The following LRRK2 variants were observed in gnomAD, a reference collection of about 807,000 sequenced individuals.
LRRK2 encodes the protein leucine-rich repeat serine/threonine-protein kinase 2.
In LRRK2, 203 loss-of-function variants were observed where a neutral mutation model predicts 302.6. The observed-to-expected ratio is 0.67, with a 90% CI of 0.60 to 0.75. LRRK2 has a LOEUF of 0.75. Among genes scored for constraint, LRRK2 ranks in the 30% least tolerant of loss-of-function variants. LRRK2 has a pLI of 0.00. For missense variants in LRRK2, 2,830 were observed against 2,951.0 expected (o/e 0.96, Z 0.95); for synonymous variants, 1,066 against 1,031.9 (o/e 1.03, Z -0.63).
chr12:40,249,527 G>A (rs759969145), intron 7 of LRRK2, among the ~76,000 whole-genome samples: 63 of 152,126 alleles, frequency 4.1e-4, no homozygotes, highest in Non-Finnish European at 6.2e-4. Context: ...TTGTCGTGCC[G>A]TGTGTCACAG....
intron 2 of LRRK2, among the ~76,000 whole-genome samples, chr12:40,228,612 A>G (rs1025648757): frequency 6.6e-6 from 1 of 151,454 alleles, no homozygotes; most frequent in African/African-American, 2.4e-5. Context: ...ATATAATCCC[A>G]TTTGCCTATT....
chr12:40,251,341 A>C lies in LRRK2; in HGVS notation c.1068A>C (p.Ala356=). Residue 356 remains alanine (A), a synonymous_variant, in exon 9 of 51, where the codon GCA becomes GCC. Transcript: ENST00000298910. ...KLFWLEACYK[A]LTWHRKNKHV... ...TTTGGCTGGAAGCCTGTTACAAAGC[A>C]TTAACGTGGCATAGAAAGAACAAGC... 2 of 1,614,070 alleles carry C rather than the reference A, an allele frequency of 1.2e-6. No homozygotes were observed. The highest frequency in any genetic ancestry group is 1.7e-6 in the Non-Finnish European group (2 of 1,179,944).
intron 41 of LRRK2, among the ~76,000 whole-genome samples, chr12:40,342,151 C>A (rs574789922): frequency 2.2e-4 from 33 of 152,290 alleles, no homozygotes; most frequent in African/African-American, 7.9e-4. Flanking sequence ...GTGGATCTCT[C>A]GGGTCCCTGT....
chr12:40,287,550 T>TAAA lies in LRRK2; in HGVS notation c.2689+18_2689+20dup. 6.2e-7 allele frequency: 1 copy of TAAA among 1,603,014 alleles called. No individual in the cohort carries two copies. The highest frequency in any genetic ancestry group is 1.3e-5 in the African/African-American group (1 of 74,296). ...ACCTGGATAGTGAAGGTATTTATTA[T>TAAA]AAAAAAAAACCCTTTATGCTTTATA... is the stretch of plus-strand genomic sequence containing the variant. On this transcript the variant is annotated intron_variant, in intron 20 of 50. Coordinates refer to ENST00000298910, the MANE Select transcript of LRRK2 (RefSeq NM_198578.4).
At chr12:40,365,778 C>G (rs1477774153) in intron 49 of LRRK2, 2 of 151,964 alleles carry the variant, frequency 1.3e-5, no homozygotes, top group African/African-American at 2.4e-5. Flanking sequence ...ATATTCATTG[C>G]AAGTATATGT....
At chr12:40,354,687 TATAAA>T (rs1946470396) in intron 45 of LRRK2, among the ~76,000 whole-genome samples, 195 bp downstream of exon 45, 1 of 152,222 alleles carries the variant, frequency 6.6e-6, no homozygotes, top group Non-Finnish European at 1.5e-5. Context: ...CTGAGACATT[TATAAA>T]ATAAGTCAAC....
chr12:40,327,625 G>A (rs1167205946), intron 38 of LRRK2, among the ~76,000 whole-genome samples: 5 of 152,120 alleles, frequency 3.3e-5, no homozygotes, highest in African/African-American at 1.2e-4. Flanking sequence ...ATTTGTTTCT[G>A]AACAGGAGAG....
intron 30 of LRRK2, 137 bp downstream of exon 30, chr12:40,309,370 A>C (rs1944958190): frequency 3.4e-6 from 4 of 1,164,504 alleles, no homozygotes; most frequent in Admixed American, 3.0e-5. Context: ...AGAAGCACTA[A>C]AATTTTGAAT....
rs1297120608 is a variant in LRRK2, at chr12:40,283,896, C to A, written c.2263C>A (p.Pro755Thr). The A allele has an allele frequency of 1.9e-6, 3 of 1,612,938 alleles. No homozygotes were observed. Among genetic ancestry groups the A allele is most frequent in the Non-Finnish European group, 1.7e-6 (2 of 1,179,282 alleles). The change falls in exon 19 of 51, where the codon CCC (proline) becomes ACC (threonine). Residue 755 changes from proline to threonine, a missense_variant. Physicochemically the swap from Pro to Thr is conservative, Grantham distance 38. Coordinates refer to ENST00000298910, the MANE Select transcript of LRRK2 (RefSeq NM_198578.4). ...ICQVCEKESS[P>T]KLVELLLNSG... Reference sequence around the variant, plus strand: ...ATAGGTATGTGAGAAAGAGAGCAGTCCCAAATTGGTGGAACTCTTACTGAA... The same window carrying A: ...ATAGGTATGTGAGAAAGAGAGCAGTACCAAATTGGTGGAACTCTTACTGAA...
At chr12:40,276,800 G>A (rs546272987) in intron 16 of LRRK2, among the ~76,000 whole-genome samples, 137 of 152,012 alleles carry the variant, frequency 9.0e-4, no homozygotes, top group African/African-American at 2.9e-3. Context: ...ATAAGAGTTC[G>A]AAGTAATAAT....
chr12:40,354,926 T>A (rs1282212114), intron 45 of LRRK2, among the ~76,000 whole-genome samples: 2 of 151,952 alleles, frequency 1.3e-5, no homozygotes, highest in East Asian at 1.9e-4. Context: ...AAGAAAAAAA[T>A]TAAATAAATG....
chr12:40,251,274 A>C lies in LRRK2; in HGVS notation c.1001A>C (p.Glu334Ala). ...AATCAAGATTTAGAGGAAAAGAATGAGAATCAAGAGAATGATGATGAGGGG... is the reference window on the plus strand; with the variant it reads ...AATCAAGATTTAGAGGAAAAGAATGCGAATCAAGAGAATGATGATGAGGGG... ...FLNQDLEEKN[E>A]NQENDDEGEE... The change falls in exon 9 of 51, where the codon GAG becomes GCG. Residue 334 changes from glutamate to alanine, a missense_variant. By Grantham distance (107) the Glu-to-Ala change is moderately radical. Coordinates refer to ENST00000298910, the MANE Select transcript of LRRK2 (RefSeq NM_198578.4). 1 of 1,610,116 alleles carries C rather than the reference A, an allele frequency of 6.2e-7. No individual in the cohort carries two copies. Among genetic ancestry groups the C allele is most frequent in the Admixed American group, 1.7e-5 (1 of 59,848 alleles).
chr12:40,342,811 G>T (rs1235175265), intron 41 of LRRK2, among the ~76,000 whole-genome samples: 1 of 152,116 alleles, frequency 6.6e-6, no homozygotes, highest in Non-Finnish European at 1.5e-5. Flanking sequence ...TAAACCTTTT[G>T]GGTGTATTTT....
chr12:40,248,170 A>G (rs1379697666), intron 7 of LRRK2, among the ~76,000 whole-genome samples: 1 of 152,160 alleles, frequency 6.6e-6, no homozygotes, highest in African/African-American at 2.4e-5. Flanking sequence ...ACTACTGTAC[A>G]ATTCTCTGTT....
rs1036234153 is a variant in LRRK2 at position 40,224,999 on chromosome 12, G to A, written c.-133G>A. 5.8e-6 allele frequency: 7 copies of A among 1,202,454 alleles called. No homozygotes were observed. The highest frequency in any genetic ancestry group is 2.7e-4 in the Middle Eastern group (1 of 3,652). The allele number at this position is 1,202,454 out of a possible 1,614,324, so 74.5% of individuals were successfully genotyped here. ...AACAGGCGGGCGTGGGCGCCGATGG[G>A]GCCCGCGGGGAGCGCTGGCTGCGGG... On this transcript the variant is annotated 5_prime_UTR_variant, in exon 1 of 51. Transcript: ENST00000298910.
chr12:40,341,911 A>G (rs1439404333), intron 41 of LRRK2, among the ~76,000 whole-genome samples: 2 of 152,228 alleles, frequency 1.3e-5, no homozygotes, highest in Non-Finnish European at 2.9e-5. Flanking sequence ...TGTCAATGAG[A>G]GGTTTGGAAA....
Position 40,303,944 on chromosome 12 carries a change from T to A in LRRK2, c.3591-4T>A. The A allele has an allele frequency of 6.2e-7, 1 of 1,613,556 alleles. No individual in the cohort carries two copies. The highest frequency in any genetic ancestry group is 8.5e-7 in the Non-Finnish European group (1 of 1,179,604). ...GTTTATGTCTTTTCTGTGTATTGTTTTAGCTTGCGGTCTTTAGATATGAGC... is the reference window on the plus strand; with the variant it reads ...GTTTATGTCTTTTCTGTGTATTGTTATAGCTTGCGGTCTTTAGATATGAGC... On this transcript the variant is annotated splice_polypyrimidine_tract_variant and splice_region_variant and intron_variant, in intron 26 of 50. Coordinates refer to ENST00000298910, the MANE Select transcript of LRRK2 (RefSeq NM_198578.4).
At chr12:40,233,733 G>T (rs1941306511) in intron 3 of LRRK2, among the ~76,000 whole-genome samples, 1 of 152,196 alleles carries the variant, frequency 6.6e-6, no homozygotes, top group South Asian at 2.1e-4. Flanking sequence ...ACCTCAGGGA[G>T]TGTTTGGGAA....
chr12:40,346,612 C>A, intron 41 of LRRK2, 141 bp from the exon 42 acceptor site: 4 of 762,188 alleles, frequency 5.2e-6, no homozygotes, highest in Non-Finnish European at 6.5e-6. Context: ...GATCAAGGTA[C>A]CTTGTTATAA....
Sources: allele counts gnomAD v4.1 joint callset (sites outside exome capture counted in the v4.1 genomes callset), GRCh38; gene constraint gnomAD v4.1.1; transcripts MANE v1.5; gene names NCBI Gene and HGNC (gene_info 2026-07-23, HGNC 2026-07-21).